The following SNTG1 variants were observed in gnomAD, a reference collection of about 807,000 sequenced individuals.
The protein encoded by SNTG1 is gamma-1-syntrophin.
SNTG1 carries 39 observed loss-of-function variants against 74.7 expected under a neutral mutation model. The ratio of observed to expected loss-of-function variants is 0.52; its 90% CI spans 0.40 to 0.68. The LOEUF (loss-of-function observed/expected upper bound fraction) is 0.68, where lower values mean the gene tolerates loss of function less well. Among genes scored for constraint, SNTG1 ranks in the 30% least tolerant of loss-of-function variants. The pLI, the probability that SNTG1 is intolerant of heterozygous loss-of-function variation, is 0.00. For missense variants in SNTG1, 685 were observed against 609.5 expected (o/e 1.12, Z -1.30); for synonymous variants, 254 against 217.1 (o/e 1.17, Z -1.49).
intron 15 of SNTG1, among the ~76,000 whole-genome samples, chr8:50,668,344 A>C (rs150478177): frequency 4.3e-4 from 65 of 151,528 alleles, no homozygotes; most frequent in African/African-American, 1.4e-3. Flanking sequence ...ATGTTTCAAA[A>C]TTTGTTTCAT....
intron 2 of SNTG1, among the ~76,000 whole-genome samples, chr8:50,300,307 A>G (rs1242948025): frequency 2.0e-5 from 3 of 152,172 alleles, no homozygotes; most frequent in African/African-American, 7.2e-5. Context: ...AAACACATGC[A>G]CATACATATC....
chr8:49,989,756 T>C (rs1813506494), intron 1 of SNTG1, among the ~76,000 whole-genome samples: 1 of 151,898 alleles, frequency 6.6e-6, no homozygotes, highest in Non-Finnish European at 1.5e-5. Flanking sequence ...ATCATGAACA[T>C]GTTTGATTTA....
At chr8:50,268,407 A>G (rs2087590771) in intron 2 of SNTG1, among the ~76,000 whole-genome samples, 1 of 152,182 alleles carries the variant, frequency 6.6e-6, no homozygotes, top group Admixed American at 6.5e-5. Context: ...GACATAAGAA[A>G]GACATATTTT....
intron 1 of SNTG1, among the ~76,000 whole-genome samples, chr8:49,976,739 G>A (rs957940432): frequency 6.6e-6 from 1 of 152,184 alleles, no homozygotes. Flanking sequence ...GGAAGCAAGA[G>A]AAGGGAGCTC....
intron 1 of SNTG1, among the ~76,000 whole-genome samples, chr8:50,154,576 C>T (rs1372499979): frequency 6.6e-6 from 1 of 152,114 alleles, no homozygotes; most frequent in East Asian, 1.9e-4. Context: ...GTATATGTTA[C>T]CAGAAATAAG....
chr8:50,089,007 AC>A (rs1823199753), intron 1 of SNTG1, among the ~76,000 whole-genome samples: 1 of 151,764 alleles, frequency 6.6e-6, no homozygotes, highest in African/African-American at 2.4e-5. Context: ...TTCAAACTAT[AC>A]TACAAGGCTA....
chr8:50,122,077 T>C lies in SNTG1; in HGVS notation c.-102-50484T>C, dbSNP rs1052087080. ...CCTCAGCACCATGTCCAACCCTCGATGCCCCCTGCCTTGGTTTAGGGACCC... is the reference window on the plus strand; with the variant it reads ...CCTCAGCACCATGTCCAACCCTCGACGCCCCCTGCCTTGGTTTAGGGACCC... On this transcript the variant is annotated intron_variant, in intron 1 of 18. Transcript: ENST00000642720. Among the ~76,000 whole-genome samples the C allele has an allele frequency of 3.5e-5, 5 of 140,876 alleles. 1 individual carries two copies. The highest frequency in any genetic ancestry group is 5.1e-5 in the African/African-American group (2 of 38,912). 92.4% of individuals were successfully genotyped at this position (140,876 alleles called of 152,430 possible). A position where few individuals can be genotyped will look rare whatever the true frequency, so the allele number is the denominator to read the frequency against.
intron 12 of SNTG1, among the ~76,000 whole-genome samples, chr8:50,554,979 C>G (rs1048871138): frequency 6.6e-6 from 1 of 152,032 alleles, no homozygotes; most frequent in Admixed American, 6.6e-5. Context: ...TATTGTCATG[C>G]CATATTTCTT....
At chr8:50,421,831 A>G (rs1333268814) in intron 4 of SNTG1, among the ~76,000 whole-genome samples, 1 of 152,146 alleles carries the variant, frequency 6.6e-6, no homozygotes, top group African/African-American at 2.4e-5. Flanking sequence ...CAGAATGAAG[A>G]CTCAACTTTT....
At chr8:50,460,943 T>A (rs1278186193) in intron 8 of SNTG1, among the ~76,000 whole-genome samples, 1 of 152,106 alleles carries the variant, frequency 6.6e-6, no homozygotes, top group Admixed American at 6.6e-5. Flanking sequence ...ACTAATATAT[T>A]ACTAGTAAGA....
intron 2 of SNTG1, among the ~76,000 whole-genome samples, chr8:50,376,281 A>G (rs1481618277): frequency 1.3e-5 from 2 of 152,270 alleles, no homozygotes; most frequent in Middle Eastern, 3.4e-3. Context: ...CAAAATTGGC[A>G]ATTACTAAAA....
At chr8:50,245,977 T>C (rs11786508) in intron 2 of SNTG1, among the ~76,000 whole-genome samples, 136,770 of 151,758 alleles carry the variant, frequency 0.9, 62,872 homozygotes, top group East Asian at 1. Context: ...CAATTATAAT[T>C]TCAAAAGCCA....
At chr8:50,050,687 T>C (rs940850393) in intron 1 of SNTG1, among the ~76,000 whole-genome samples, 15 of 152,022 alleles carry the variant, frequency 9.9e-5, no homozygotes, top group African/African-American at 3.1e-4. Context: ...ACTCATTCTA[T>C]GAGGACAATA....
chr8:50,703,102 C>T (rs935099984), intron 15 of SNTG1, among the ~76,000 whole-genome samples: 1 of 152,060 alleles, frequency 6.6e-6, no homozygotes, highest in Non-Finnish European at 1.5e-5. Context: ...GACTACACTA[C>T]ATTTATAAGA....
intron 13 of SNTG1, among the ~76,000 whole-genome samples, chr8:50,592,704 A>G (rs1739975715): frequency 6.6e-6 from 1 of 152,230 alleles, no homozygotes; most frequent in Non-Finnish European, 1.5e-5. Flanking sequence ...TGTTAATATT[A>G]TTCATTATAT....
chr8:50,705,566 C>T (rs2095440691), intron 16 of SNTG1, among the ~76,000 whole-genome samples: 2 of 147,250 alleles, frequency 1.4e-5, no homozygotes, highest in African/African-American at 2.5e-5. Flanking sequence ...ATTTATTTGT[C>T]TTTTTTTTTT....
At chr8:50,679,113 C>G (rs1470198581) in intron 15 of SNTG1, among the ~76,000 whole-genome samples, 2 of 151,986 alleles carry the variant, frequency 1.3e-5, no homozygotes, top group Non-Finnish European at 2.9e-5. Flanking sequence ...TGGATAACAG[C>G]CTGTGGGCTT....
At chr8:50,689,257 G>T (rs963465835) in intron 15 of SNTG1, among the ~76,000 whole-genome samples, 3 of 152,100 alleles carry the variant, frequency 2.0e-5, no homozygotes. Flanking sequence ...TCTCCTGCCT[G>T]ATTGCCCTGG....
At chr8:50,275,720 A>G (rs1333242000) in intron 2 of SNTG1, among the ~76,000 whole-genome samples, 1 of 152,134 alleles carries the variant, frequency 6.6e-6, no homozygotes, top group Non-Finnish European at 1.5e-5. Flanking sequence ...TTCAGCCCCC[A>G]GCAATTCATT....
Sources: gnomAD v4.1 joint callset for allele counts (sites outside exome capture counted in the v4.1 genomes callset) on GRCh38, gnomAD v4.1.1 for gene constraint, MANE v1.5 for transcripts, NCBI Gene and HGNC (gene_info 2026-07-23, HGNC 2026-07-21) for gene names.